Variants in CNTRL observed in about 807,000 individuals in gnomAD.
CNTRL encodes the protein centriolin.
CNTRL carries 233 observed loss-of-function variants against 303.7 expected under a neutral mutation model. The ratio of observed to expected loss-of-function variants is 0.77; its 90% CI spans 0.69 to 0.86. The LOEUF (loss-of-function observed/expected upper bound fraction) is 0.86, where lower values mean the gene tolerates loss of function less well. Ranked by LOEUF, CNTRL falls within the 40% of genes least tolerant of loss-of-function variation. The pLI is 0.00. For missense variants in CNTRL, 2,524 were observed against 2,650.6 expected (o/e 0.95, Z 1.05); for synonymous variants, 900 against 922.2 (o/e 0.98, Z 0.44).
At position 121,142,170 on chromosome 9, in the gene CNTRL, A is replaced by G; in HGVS notation, c.2771A>G (p.Lys924Arg). The change falls in exon 19 of 44, where the codon AAA becomes AGA. Residue 924 changes from lysine (K) to arginine (R), a missense_variant. Coordinates refer to ENST00000373855, the MANE Select transcript of CNTRL (RefSeq NM_007018.6). Reference sequence around the variant, plus strand: ...ATTCACTATTTGCAAGAAAATCTAAAAAGTATGGAGGAAATCCAAGGCCTT... The same window carrying G: ...ATTCACTATTTGCAAGAAAATCTAAGAAGTATGGAGGAAATCCAAGGCCTT... ...NEIHYLQENL[K>R]SMEEIQGLTD... The G allele has an allele frequency of 6.2e-7, 1 of 1,612,484 alleles. No homozygotes were observed. The highest frequency in any genetic ancestry group is 8.5e-7 in the Non-Finnish European group (1 of 1,179,386).
At chr9:121,075,412 C>T (rs773504333) in intron 1 of CNTRL, among the ~76,000 whole-genome samples, 6 of 152,286 alleles carry the variant, frequency 3.9e-5, no homozygotes, top group Admixed American at 1.3e-4. Flanking sequence ...CTGGGATGTG[C>T]CAGCTGTCTG....
At chr9:121,174,721 A>G (rs2053450819) in intron 42 of CNTRL, among the ~76,000 whole-genome samples, 1 of 152,180 alleles carries the variant, frequency 6.6e-6, no homozygotes, top group Non-Finnish European at 1.5e-5. Context: ...GAAAAGGAAA[A>G]AAGAGATGAG....
chr9:121,167,517 A>T lies in CNTRL; in HGVS notation c.5684A>T (p.Asp1895Val). The change falls in exon 37 of 44, where the codon GAT (aspartate) becomes GTT (valine). Residue 1895 changes from aspartate (D) to valine (V), a missense_variant. Physicochemically the swap from Asp to Val is radical, Grantham distance 152. Coordinates refer to ENST00000373855, the MANE Select transcript of CNTRL (RefSeq NM_007018.6). ...CTGCTTCACACCACCAAGCATCAGG[A>T]TGTGTTGCTCAGTGAGCAGACCCGA... is the stretch of plus-strand genomic sequence containing the variant. ...QDLLHTTKHQDVLLSEQTRLQ... is the reference protein window; with the variant it reads ...QDLLHTTKHQVVLLSEQTRLQ... 1 of 1,613,936 alleles carries T rather than the reference A, an allele frequency of 6.2e-7. No homozygotes were observed. The highest frequency in any genetic ancestry group is 8.5e-7 in the Non-Finnish European group (1 of 1,179,924).
chr9:121,170,111 C>T (rs1025579175), intron 39 of CNTRL, among the ~76,000 whole-genome samples: 10 of 152,112 alleles, frequency 6.6e-5, no homozygotes, highest in Admixed American at 5.2e-4. Context: ...TACACCTCCA[C>T]TGGCAGGGAG....
chr9:121,151,949 A>G, intron 25 of CNTRL: 1 of 154,378 alleles, frequency 6.5e-6, no homozygotes, highest in East Asian at 1.9e-4. Flanking sequence ...GTAATTTGTA[A>G]CAATTTCTTT....
chr9:121,133,883 C>T (rs2051026330), intron 14 of CNTRL, among the ~76,000 whole-genome samples: 1 of 152,144 alleles, frequency 6.6e-6, no homozygotes, highest in African/African-American at 2.4e-5. Flanking sequence ...CTAAATATTT[C>T]AGTATGTATT....
At position 121,177,214 on chromosome 9, in the gene CNTRL, A is replaced by C. The variant is rs767652609; in HGVS notation, c.*28A>C. On this transcript the variant is annotated 3_prime_UTR_variant, in exon 44 of 44. Transcript: ENST00000373855. Reference sequence around the variant, plus strand: ...AATACTGTCTTGTGTAAATATATTCAAGGAAAACACCTCCACTACCTCACT... The same window carrying C: ...AATACTGTCTTGTGTAAATATATTCCAGGAAAACACCTCCACTACCTCACT... 26 of 1,588,360 alleles carry C rather than the reference A, an allele frequency of 1.6e-5. No individual in the cohort carries two copies. The highest frequency in any genetic ancestry group is 3.3e-4 in the Middle Eastern group (2 of 6,028).
chr9:121,148,974 T>C, intron 24 of CNTRL, 113 bp downstream of exon 24: 1 of 919,440 alleles, frequency 1.1e-6, no homozygotes, highest in South Asian at 1.8e-5. Flanking sequence ...CTCCATGAGG[T>C]CTTCTGTGAT....
chr9:121,100,233 AAG>A (rs2132667519), intron 7 of CNTRL, among the ~76,000 whole-genome samples: 1 of 152,392 alleles, frequency 6.6e-6, no homozygotes, highest in East Asian at 1.9e-4. Flanking sequence ...TGCAAGCCAG[AAG>A]AGAGTAGGGG....
At chr9:121,174,793 C>G (rs948483653) in intron 42 of CNTRL, among the ~76,000 whole-genome samples, 1 of 152,148 alleles carries the variant, frequency 6.6e-6, no homozygotes, top group Admixed American at 6.5e-5. Context: ...CATGGAAAAA[C>G]TGGGCCAAGT....
chr9:121,121,532 G>C (rs1280737700), intron 12 of CNTRL, among the ~76,000 whole-genome samples: 1 of 152,202 alleles, frequency 6.6e-6, no homozygotes, highest in Non-Finnish European at 1.5e-5. Flanking sequence ...ATTATTCATA[G>C]AAGCACAAAT....
chr9:121,075,596 G>A (rs1421194365), intron 1 of CNTRL, among the ~76,000 whole-genome samples: 2 of 152,210 alleles, frequency 1.3e-5, no homozygotes, highest in Non-Finnish European at 2.9e-5. Flanking sequence ...TTTGAAGCCA[G>A]ACAAACTTGG....
In CNTRL at chr9:121,118,465, A is replaced by G. The variant is rs1232292713; in HGVS notation, c.1575A>G (p.Glu525=). The change falls in exon 12 of 44, where the codon GAA becomes GAG. Residue 525 remains glutamate, a synonymous_variant. Transcript: ENST00000373855. ...TGCAGATGGAAAAGCAAAAGCAGGA[A>G]ATTGCCGGAAAGCAGAAGGAGATTA... ...LELQMEKQKQ[E]IAGKQKEIKD... 1 of 1,613,080 alleles carries G rather than the reference A, an allele frequency of 6.2e-7. No individual in the cohort carries two copies. Among genetic ancestry groups the G allele is most frequent in the Admixed American group, 1.7e-5 (1 of 59,992 alleles).
chr9:121,164,371 TA>T (rs1319177301), intron 34 of CNTRL, among the ~76,000 whole-genome samples: 1 of 152,220 alleles, frequency 6.6e-6, no homozygotes, highest in Non-Finnish European at 1.5e-5. Flanking sequence ...GCCTTATTTG[TA>T]ATAGCCAAAA....
rs1280406118 is a variant in CNTRL, at chr9:121,113,558, C to T, written c.1179C>T (p.Tyr393=). The T allele has an allele frequency of 2.5e-6, 4 of 1,606,582 alleles. No individual in the cohort carries two copies. Among genetic ancestry groups the T allele is most frequent in the African/African-American group, 1.3e-5 (1 of 74,464 alleles). ...DESPYIGKSR[Y]KRNMFATESY... is the part of the protein sequence containing the mutation. ...GCCCTTACATTGGCAAATCCAGATA[C>T]AAGAGAAATATGTTTGCCACAGAGA... Residue 393 remains tyrosine, a synonymous_variant, in exon 10 of 44, where the codon TAC becomes TAT. Transcript: ENST00000373855.
At chr9:121,145,113 T>C in intron 21 of CNTRL, 131 bp from the exon 22 acceptor site, 3 of 1,204,960 alleles carry the variant, frequency 2.5e-6, no homozygotes, top group Non-Finnish European at 3.5e-6. Flanking sequence ...TTGGTGCAGT[T>C]TCCAAGTAAT....
At position 121,107,895 on chromosome 9, in the gene CNTRL, A is replaced by G; in HGVS notation, c.902A>G (p.Lys301Arg). ...SKQTRFLEEI[K>R]NQDKLNKSLK... is the part of the protein sequence containing the mutation. The stretch of plus-strand genomic sequence containing the variant: ...CAAACAAGGTTCCTTGAGGAAATTA[A>G]AAATCAAGATAAATTGAATAAATCA... The change falls in exon 8 of 44, where the codon AAA (lysine) becomes AGA (arginine). Residue 301 changes from lysine to arginine, a missense_variant. Transcript: ENST00000373855. 1 of 1,611,150 alleles carries G rather than the reference A, an allele frequency of 6.2e-7. No individual in the cohort carries two copies. The highest frequency in any genetic ancestry group is 8.5e-7 in the Non-Finnish European group (1 of 1,178,670).
chr9:121,104,892 G>A lies in CNTRL; in HGVS notation c.809-2910G>A, dbSNP rs569074562. On this transcript the variant is annotated intron_variant, in intron 7 of 43. Coordinates refer to ENST00000373855, the MANE Select transcript of CNTRL (RefSeq NM_007018.6). ...AATTTTGTATTTTTAGTAGAGACGG[G>A]GTTTGTCTGATTTCTCTTACGGGGT... 1.2e-4 allele frequency among the ~76,000 whole-genome samples: 18 copies of A among 151,970 alleles called. 1 individual carries two copies. Among genetic ancestry groups the A allele is most frequent in the Admixed American group, 2.6e-4 (4 of 15,244 alleles).
chr9:121,091,852 G>C (rs1490066570), intron 4 of CNTRL, among the ~76,000 whole-genome samples: 4 of 142,138 alleles, frequency 2.8e-5, no homozygotes, highest in Non-Finnish European at 4.6e-5. Context: ...CTGGCTTCTT[G>C]TTGTTAAGGT....
Sources: gnomAD v4.1 joint callset for allele counts (sites outside exome capture counted in the v4.1 genomes callset) on GRCh38, gnomAD v4.1.1 for gene constraint, MANE v1.5 for transcripts, NCBI Gene and HGNC (gene_info 2026-07-23, HGNC 2026-07-21) for gene names.